C2CD3: variants seen among roughly 807,000 people sequenced by gnomAD.
The protein encoded by C2CD3 is C2 domain containing 3 centriole elongation regulator, also known as C2 domain-containing protein 3.
Under a neutral mutation model 234.0 loss-of-function variants are expected in C2CD3, and 148 were observed. The observed-to-expected ratio is 0.63, with a 90% CI of 0.55 to 0.72. The LOEUF (loss-of-function observed/expected upper bound fraction) is 0.72. Ranked by LOEUF, C2CD3 falls within the 30% of genes least tolerant of loss-of-function variation. C2CD3 has a pLI of 0.00. For synonymous variants in C2CD3, 1,000 were observed against 1,035.4 expected (o/e 0.97, Z 0.66); for missense variants, 2,577 against 2,811.5 (o/e 0.92, Z 1.89).
chr11:74,093,483 T>C (rs953884462), intron 18 of C2CD3, among the ~76,000 whole-genome samples: 2 of 151,676 alleles, frequency 1.3e-5, no homozygotes, highest in African/African-American at 4.8e-5. Context: ...TTAGGCAAGA[T>C]ATGAAAAGGG....
chr11:74,147,229 A>G (rs1212222870), intron 3 of C2CD3, among the ~76,000 whole-genome samples: 1 of 152,082 alleles, frequency 6.6e-6, no homozygotes, highest in African/African-American at 2.4e-5. Flanking sequence ...AGCTTGGGCA[A>G]CATCTCAAGG....
At chr11:74,065,616 A>G (rs1156936028) in intron 24 of C2CD3, among the ~76,000 whole-genome samples, 1 of 152,176 alleles carries the variant, frequency 6.6e-6, no homozygotes, top group Admixed American at 6.5e-5. Flanking sequence ...ATGCACACGT[A>G]TGTTTATTGT....
At chr11:74,170,658 C>A in intron 1 of C2CD3, 80 bp downstream of exon 1, 1 of 1,497,010 alleles carries the variant, frequency 6.7e-7, no homozygotes, top group Non-Finnish European at 9.3e-7. Flanking sequence ...GTTTATCCAG[C>A]GGGGGTGCGG....
chr11:74,033,367 T>G lies in C2CD3; in HGVS notation c.6793A>C (p.Lys2265Gln), dbSNP rs1454371203. ...QVTTGSETST[K>Q]QSLLLPGPIV... ...AAAGGATACAGCAGGAGGCTCTGCTTTGTGGACGTCTCTGATCCAGTTGTC... is the reference window on the plus strand; with the variant it reads ...AAAGGATACAGCAGGAGGCTCTGCTGTGTGGACGTCTCTGATCCAGTTGTC... The change falls in exon 31 of 33, where the codon AAG becomes CAG. Residue 2265 changes from lysine to glutamine, a missense_variant. Transcript: ENST00000334126. 6.5e-7 allele frequency: 1 copy of G among 1,535,892 alleles called. No homozygotes were observed. The highest frequency in any genetic ancestry group is 2.0e-5 in the Admixed American group (1 of 50,978).
At chr11:74,096,506 T>A (rs996357081) in intron 16 of C2CD3, among the ~76,000 whole-genome samples, 4 of 151,720 alleles carry the variant, frequency 2.6e-5, no homozygotes, top group African/African-American at 9.7e-5. Flanking sequence ...TCTCTCAGAG[T>A]CACAACAGCT....
At position 74,032,640 on chromosome 11, in the gene C2CD3, G is replaced by A. The variant is rs114702917; in HGVS notation, c.6809+711C>T. 9.3e-3 allele frequency among the ~76,000 whole-genome samples: 1,408 copies of A among 152,144 alleles called. 17 individuals carry two copies. Among genetic ancestry groups the A allele is most frequent in the African/African-American group, 0.029 (1,183 of 41,500 alleles). ...TAACTGCAGCATTTTGGGAGGGTGA[G>A]GCAGGAGGATTGCTTGAGGCCAGGA... On this transcript the variant is annotated intron_variant, in intron 31 of 32. Coordinates refer to ENST00000334126, the MANE Select transcript of C2CD3 (RefSeq NM_001286577.2).
Position 74,033,384 on chromosome 11 carries a change from C to G in C2CD3, c.6776G>C (p.Gly2259Ala), listed in dbSNP as rs1476240677. ...GCTCTGCTTTGTGGACGTCTCTGAT[C>G]CAGTTGTCACCTGCCTCTGCCTGAT... ...SDIRQRQVTT[G>A]SETSTKQSLL... Residue 2259 changes from glycine to alanine, a missense_variant, in exon 31 of 33, where the codon GGA (glycine) becomes GCA (alanine). Transcript: ENST00000334126. The G allele has an allele frequency of 6.5e-7, 1 of 1,536,134 alleles. No individual in the cohort carries two copies. Among genetic ancestry groups the G allele is most frequent in the Non-Finnish European group, 8.7e-7 (1 of 1,146,904 alleles).
chr11:74,027,909 T>C (rs186668228), intron 32 of C2CD3, among the ~76,000 whole-genome samples: 1 of 152,228 alleles, frequency 6.6e-6, no homozygotes, highest in Admixed American at 6.5e-5. Context: ...CTGATATTAT[T>C]CTCCTCATCC....
intron 7 of C2CD3, among the ~76,000 whole-genome samples, chr11:74,125,293 T>C (rs959952768): frequency 6.6e-6 from 1 of 152,126 alleles, no homozygotes; most frequent in Non-Finnish European, 1.5e-5. Flanking sequence ...GCCTCCCTAG[T>C]AGTAGCTAGG....
At chr11:74,120,175 C>T (rs1425641192) in intron 8 of C2CD3, among the ~76,000 whole-genome samples, 1 of 151,126 alleles carries the variant, frequency 6.6e-6, no homozygotes, top group Non-Finnish European at 1.5e-5. Context: ...ATGTGCACAA[C>T]GTGCAGGTTT....
intron 27 of C2CD3, 68 bp downstream of exon 27, chr11:74,049,269 T>G: frequency 7.6e-7 from 1 of 1,323,184 alleles, no homozygotes; most frequent in Non-Finnish European, 1.1e-6. Context: ...GTGCCAAACA[T>G]GAGTAAAGGA....
chr11:74,128,903 T>C (rs2135531085), intron 7 of C2CD3: 4 of 280,108 alleles, frequency 1.4e-5, no homozygotes, highest in South Asian at 1.3e-4. Context: ...AGAAGAATTT[T>C]TCGTAGTACA....
chr11:74,114,034 A>G, intron 10 of C2CD3, 142 bp from the exon 11 acceptor site: 2 of 602,032 alleles, frequency 3.3e-6, no homozygotes. Flanking sequence ...GCCTTCCACC[A>G]ACCCTGTCTG....
chr11:74,100,385 A>T, intron 15 of C2CD3, 140 bp downstream of exon 15: 1 of 747,514 alleles, frequency 1.3e-6, no homozygotes, highest in Non-Finnish European at 2.2e-6. Context: ...TAGGAGAAAG[A>T]GCAGCAACTC....
intron 28 of C2CD3, among the ~76,000 whole-genome samples, chr11:74,046,341 A>G (rs914833963): frequency 6.6e-6 from 1 of 152,174 alleles, no homozygotes; most frequent in Non-Finnish European, 1.5e-5. Flanking sequence ...ATCATATACA[A>G]GGTACTTTTT....
chr11:74,162,610 T>C (rs184092855), intron 2 of C2CD3, among the ~76,000 whole-genome samples: 12 of 152,262 alleles, frequency 7.9e-5, no homozygotes, highest in Admixed American at 7.2e-4. Flanking sequence ...TAGAGGAGTA[T>C]GAACCCAAGA....
chr11:74,100,782 A>C, intron 14 of C2CD3, 106 bp from the exon 15 acceptor site: 1 of 912,516 alleles, frequency 1.1e-6, no homozygotes, highest in Non-Finnish European at 1.6e-6. Context: ...TTGTTAACAC[A>C]CAGTGTTATG....
At chr11:74,125,053 T>G (rs1289203682) in intron 7 of C2CD3, among the ~76,000 whole-genome samples, 2 of 152,206 alleles carry the variant, frequency 1.3e-5, no homozygotes, top group African/African-American at 4.8e-5. Flanking sequence ...ATTTTGAAAG[T>G]CAAATACGAC....
chr11:74,042,030 T>C, intron 29 of C2CD3, 24 bp downstream of exon 29: 2 of 1,611,832 alleles, frequency 1.2e-6, no homozygotes, highest in South Asian at 2.2e-5. Flanking sequence ...TGGTTTCCTG[T>C]GTCTTTTCTC....
Sources: allele counts gnomAD v4.1 joint callset (sites outside exome capture counted in the v4.1 genomes callset), GRCh38; gene constraint gnomAD v4.1.1; transcripts MANE v1.5; gene names NCBI Gene and HGNC (gene_info 2026-07-23, HGNC 2026-07-21).